The following RPS7 variants were observed in gnomAD, a reference collection of about 807,000 sequenced individuals.
RPS7 encodes small ribosomal subunit protein eS7.
In RPS7, 1 loss-of-function variant was observed where a neutral mutation model predicts 22.1. That is an observed-to-expected ratio of 0.05 (90% CI 0.02 to 0.21). RPS7 has a LOEUF of 0.21. Among genes scored for constraint, RPS7 ranks in the 10% least tolerant of loss-of-function variants. The probability of loss-of-function intolerance (pLI) is 1.00; values close to 1 mark genes in which losing one functional copy is unlikely to be tolerated. For missense variants in RPS7, 137 were observed against 246.4 expected (o/e 0.56, Z 2.97); for synonymous variants, 80 against 92.0 (o/e 0.87, Z 0.74).
At chr2:3,575,910 T>G in intron 3 of RPS7, 22 bp downstream of exon 3, 1 of 1,564,460 alleles carries the variant, frequency 6.4e-7, no homozygotes, top group Non-Finnish European at 8.8e-7. Context: ...CTCCCTCGGC[T>G]GGGAGGGAGG....
chr2:3,580,527 TA>T (rs1661381329), intron 6 of RPS7: 3 of 628,232 alleles, frequency 4.8e-6, no homozygotes, highest in Non-Finnish European at 5.7e-6. Flanking sequence ...CTTGGTGAGT[TA>T]GGGGTGGGTG....
intron 6 of RPS7, chr2:3,580,591 TC>T (rs1174454144): frequency 1.1e-5 from 7 of 621,672 alleles, no homozygotes; most frequent in Non-Finnish European, 2.0e-5. Flanking sequence ...ACTGCTGGGG[TC>T]CCCTGATGGC....
In RPS7 at chr2:3,576,598, T is replaced by C; in HGVS notation, c.259T>C (p.Phe87Leu). Residue 87 changes from phenylalanine to leucine, a missense_variant, in exon 4 of 7, where the codon TTC becomes CTC. Phe to Leu is a conservative substitution (Grantham distance 22). This residue lies in a region of RPS7 where 74 missense variants were observed against 171.4 expected (regional missense o/e 0.43). Transcript: ENST00000645674. Reference sequence around the variant, plus strand: ...GCTAGTACGCGAATTGGAGAAAAAGTTCAGTGGGAAGCATGTCGTCTTTAT... The same window carrying C: ...GCTAGTACGCGAATTGGAGAAAAAGCTCAGTGGGAAGCATGTCGTCTTTAT... ...VRLVRELEKK[F>L]SGKHVVFIAQ... 6.2e-7 allele frequency: 1 copy of C among 1,614,174 alleles called. No individual in the cohort carries two copies.
At chr2:3,577,880 G>T in intron 5 of RPS7, 106 bp downstream of exon 5, 1 of 785,634 alleles carries the variant, frequency 1.3e-6, no homozygotes, top group South Asian at 1.5e-5. Context: ...GGGAATTTTT[G>T]AGTAGCAGCA....
chr2:3,578,044 A>G lies in RPS7; in HGVS notation c.356+270A>G, dbSNP rs1244431228. On this transcript the variant is annotated intron_variant, in intron 5 of 6. Coordinates refer to ENST00000645674, the MANE Select transcript of RPS7 (RefSeq NM_001011.4). The stretch of plus-strand genomic sequence containing the variant: ...ATTTGTGCACAGGATAGGAATGATG[A>G]GAAGGAAATCATTACTTTAATTCTG... 2.8e-5 allele frequency: 13 copies of G among 460,130 alleles called. No individual in the cohort carries two copies. In the East Asian group the frequency reaches 4.5e-4, roughly 16 times the overall value. The allele number at this position is 460,130 out of a possible 1,614,324, so 28.5% of individuals were successfully genotyped here.
chr2:3,579,585 G>T lies in RPS7; in HGVS notation c.357-525G>T, dbSNP rs185910797. On this transcript the variant is annotated intron_variant, in intron 5 of 6. Coordinates refer to ENST00000645674, the MANE Select transcript of RPS7 (RefSeq NM_001011.4). Reference sequence around the variant, plus strand: ...ATTGAAACTTCTCATTTGTTAGGTGGCAGGTAGGTAGGTTTTGAACTTGGT... The same window carrying T: ...ATTGAAACTTCTCATTTGTTAGGTGTCAGGTAGGTAGGTTTTGAACTTGGT... 9 of 170,860 alleles carry T rather than the reference G, an allele frequency of 5.3e-5. No homozygotes were observed. In the East Asian group the frequency reaches 1.4e-3, roughly 27 times the overall value. The allele number at this position is 170,860 out of a possible 1,614,324, so 10.6% of individuals were successfully genotyped here.
chr2:3,578,767 G>A (rs894368480), intron 5 of RPS7: 1 of 152,182 alleles, frequency 6.6e-6, no homozygotes, highest in Non-Finnish European at 1.5e-5. Flanking sequence ...GAGAACCTCA[G>A]TTAGGAAATG....
chr2:3,578,015 G>C (rs940634091), intron 5 of RPS7: 1 of 549,896 alleles, frequency 1.8e-6, no homozygotes, highest in Non-Finnish European at 3.2e-6. Flanking sequence ...GATTTCCTCC[G>C]ATTATTTGTG....
chr2:3,576,815 C>T lies in RPS7; in HGVS notation c.291+185C>T, dbSNP rs146577778. The stretch of plus-strand genomic sequence containing the variant: ...TAATCCCAGCACGGGGAGGTGGAGG[C>T]GGGTGGATCACTGTAGAGACCAGCC... On this transcript the variant is annotated intron_variant, in intron 4 of 6. Coordinates refer to ENST00000645674, the MANE Select transcript of RPS7 (RefSeq NM_001011.4). 455 of 763,262 alleles carry T rather than the reference C, an allele frequency of 6.0e-4. No individual in the cohort carries two copies. In the African/African-American group the frequency reaches 6.9e-3, roughly 12 times the overall value. 47.3% of individuals were successfully genotyped at this position (763,262 alleles called of 1,614,324 possible).
At chr2:3,577,616 ATTC>A (rs1479186186) in intron 4 of RPS7, 91 bp from the exon 5 acceptor site, 31 of 919,394 alleles carry the variant, frequency 3.4e-5, no homozygotes, top group African/African-American at 6.5e-5. Flanking sequence ...TTACCCTGCC[ATTC>A]TTCTTGCTTT....
In RPS7 at chr2:3,576,572, G is replaced by A; in HGVS notation, c.233G>A (p.Arg78Gln). Residue 78 changes from arginine (R) to glutamine (Q), a missense_variant, in exon 4 of 7, where the codon CGG (arginine) becomes CAG (glutamine). Arg to Gln is a conservative substitution (Grantham distance 43). Around this residue, in one of 2 missense-constraint regions of RPS7, gnomAD observed 74 missense variants for 171.4 expected, o/e 0.43. Transcript: ENST00000645674. ...AAATCTTTCCAGAAAATCCAAGTCCGGCTAGTACGCGAATTGGAGAAAAAG... is the reference window on the plus strand; with the variant it reads ...AAATCTTTCCAGAAAATCCAAGTCCAGCTAGTACGCGAATTGGAGAAAAAG... Reference protein sequence around the residue: ...QLKSFQKIQVRLVRELEKKFS... With the variant: ...QLKSFQKIQVQLVRELEKKFS... 1 of 1,613,844 alleles carries A rather than the reference G, an allele frequency of 6.2e-7. No individual in the cohort carries two copies. The highest frequency in any genetic ancestry group is 8.5e-7 in the Non-Finnish European group (1 of 1,179,774).
chr2:3,580,242 G>A lies in RPS7; in HGVS notation c.489G>A (p.Gln163=), dbSNP rs1357550351. Residue 163 remains glutamine, a synonymous_variant, in exon 6 of 7, where the codon CAG becomes CAA. Coordinates refer to ENST00000645674, the MANE Select transcript of RPS7 (RefSeq NM_001011.4). The part of the protein sequence containing the change: ...LIKVHLDKAQ[Q]NNVEHKVETF... ...AGGTTCATTTGGACAAAGCACAGCA[G>A]AACAATGTGGAACACAAGGTAATAG... The A allele has an allele frequency of 6.2e-7, 1 of 1,613,666 alleles. No homozygotes were observed. Among genetic ancestry groups the A allele is most frequent in the East Asian group, 2.2e-5 (1 of 44,898 alleles).
rs748654472 is a variant in RPS7 at position 3,579,740 on chromosome 2, G to A, written c.357-370G>A. On this transcript the variant is annotated intron_variant, in intron 5 of 6. Transcript: ENST00000645674. ...GGGGTGGTTTTGGAGATGAGCAAGA[G>A]TGTTAAAGGTTATTGTAGTGATTTA... 246 of 338,952 alleles carry A rather than the reference G, an allele frequency of 7.3e-4. 1 individual carries two copies. Among genetic ancestry groups the A allele is most frequent in the Non-Finnish European group, 1.9e-4 (33 of 177,822 alleles). The allele number at this position is 338,952 out of a possible 1,614,324, so 21.0% of individuals were successfully genotyped here.
At chr2:3,577,530 T>A in intron 4 of RPS7, 180 bp from the exon 5 acceptor site, 1 of 611,468 alleles carries the variant, frequency 1.6e-6, no homozygotes, top group South Asian at 2.0e-5. Flanking sequence ...TATTCAAGAA[T>A]CAGGAAGTAA....
At chr2:3,579,103 A>G (rs1661346489) in intron 5 of RPS7, 4 of 152,176 alleles carry the variant, frequency 2.6e-5, no homozygotes. Context: ...GTGGTTTGTG[A>G]TGATTGAGTT....
intron 6 of RPS7, chr2:3,580,477 A>G: frequency 1.5e-6 from 1 of 660,098 alleles, no homozygotes; most frequent in South Asian, 1.7e-5. Context: ...ACCTTTTGGA[A>G]GTAGACTCTT....
chr2:3,576,759 A>C (rs1352880103), intron 4 of RPS7, 129 bp downstream of exon 4: 18 of 1,193,928 alleles, frequency 1.5e-5, no homozygotes, highest in Non-Finnish European at 2.3e-5. Context: ...AGAAAGATAA[A>C]GTACAGGCAG....
At chr2:3,579,083 T>C (rs1020836835) in intron 5 of RPS7, 1 of 152,272 alleles carries the variant, frequency 6.6e-6, no homozygotes, top group African/African-American at 2.4e-5. Context: ...TCTAAAGCGC[T>C]CCAGTCCCTG....
In RPS7 at chr2:3,576,582, C is replaced by T. The variant is rs1661285138; in HGVS notation, c.243C>T (p.Arg81=). The T allele has an allele frequency of 6.2e-7, 1 of 1,613,800 alleles. No homozygotes were observed. Among genetic ancestry groups the T allele is most frequent in the Admixed American group, 1.7e-5 (1 of 59,992 alleles). The change falls in exon 4 of 7, where the codon CGC becomes CGT. Residue 81 remains arginine (R), a synonymous_variant. Transcript: ENST00000645674. ...SFQKIQVRLV[R]ELEKKFSGKH... ...AGAAAATCCAAGTCCGGCTAGTACG[C>T]GAATTGGAGAAAAAGTTCAGTGGGA...
Sources: gnomAD v4.1 joint callset for allele counts on GRCh38, gnomAD v4.1.1 for gene constraint, gnomAD v4.1.1 regional missense constraint, MANE v1.5 for transcripts, NCBI Gene and HGNC (gene_info 2026-07-23, HGNC 2026-07-21) for gene names.